The following SLC35F5 variants were observed in gnomAD, a reference collection of about 807,000 sequenced individuals.
SLC35F5 encodes solute carrier family 35 member F5, also known as HCV NS5A-transactivated protein 3.
Under a neutral mutation model 68.6 loss-of-function variants are expected in SLC35F5, and 54 were observed. The ratio of observed to expected loss-of-function variants is 0.79; its 90% CI spans 0.63 to 0.99. The LOEUF (loss-of-function observed/expected upper bound fraction) is 0.99. Ranked by LOEUF, SLC35F5 falls within the 50% of genes least tolerant of loss-of-function variation. The pLI is 0.00. For missense variants in SLC35F5, 567 were observed against 626.9 expected (o/e 0.90, Z 1.02); for synonymous variants, 211 against 205.2 (o/e 1.03, Z -0.24).
chr2:113,727,305 T>G (rs1687700782), intron 11 of SLC35F5, among the ~76,000 whole-genome samples: 2 of 152,160 alleles, frequency 1.3e-5, no homozygotes, highest in Non-Finnish European at 1.5e-5. Context: ...CAGGTAGTTC[T>G]TTATAGCAGT....
intron 7 of SLC35F5, among the ~76,000 whole-genome samples, chr2:113,738,261 TACCATTCTACTCTCTGGCAACC>T (rs1431435642): frequency 1.3e-5 from 2 of 152,188 alleles, no homozygotes; most frequent in Non-Finnish European, 2.9e-5. Context: ...CCCATTTCCC[TACCATTCTACTCTCTGGCAACC>T]ACCATTCTAC....
chr2:113,729,331 G>T, intron 11 of SLC35F5, 70 bp downstream of exon 11: 1 of 826,924 alleles, frequency 1.2e-6, no homozygotes, highest in Non-Finnish European at 1.9e-6. Context: ...TATTCCCTCT[G>T]AAAAACAAAA....
rs1686974988 is a variant in SLC35F5, at chr2:113,711,364, T to A, written c.*3854A>T. ...TACAGAAAATTTTGTAGGAAAACAC[T>A]ATTTTTTAAATGTAGTAACATTAAA... is the stretch of plus-strand genomic sequence containing the variant. On this transcript the variant is annotated 3_prime_UTR_variant, in exon 16 of 16. Coordinates refer to ENST00000245680, the MANE Select transcript of SLC35F5 (RefSeq NM_025181.5). Among the ~76,000 whole-genome samples the A allele has an allele frequency of 6.6e-6, 1 of 152,176 alleles. No homozygotes were observed. Among genetic ancestry groups the A allele is most frequent in the African/African-American group, 2.4e-5 (1 of 41,460 alleles).
chr2:113,744,395 T>A (rs966066416), intron 5 of SLC35F5, among the ~76,000 whole-genome samples: 3 of 152,244 alleles, frequency 2.0e-5, no homozygotes, highest in African/African-American at 7.2e-5. Flanking sequence ...TCTTACTGTG[T>A]ATTGAGTACC....
At chr2:113,746,206 A>C in intron 5 of SLC35F5, 71 bp downstream of exon 5, 19 of 1,147,814 alleles carry the variant, frequency 1.7e-5, no homozygotes, top group Non-Finnish European at 2.1e-5. Context: ...GCTGCCATCA[A>C]ACCTGTTTCA....
Position 113,755,808 on chromosome 2 carries a change from C to G in SLC35F5, c.41-264G>C, listed in dbSNP as rs116772356. The G allele has an allele frequency of 2.6e-6, 4 of 1,523,534 alleles. No homozygotes were observed. The East Asian group carries it at 7.4e-5, about 28-fold the overall frequency. The allele number at this position is 1,523,534 out of a possible 1,614,324, so 94.4% of individuals were successfully genotyped here. On this transcript the variant is annotated intron_variant, in intron 1 of 15. Transcript: ENST00000245680. ...CGGCACATTTAAGAACAGTTAACTA[C>G]CAGAAAATAGCTTCTCTGAGTTTCA...
At position 113,725,532 on chromosome 2, in the gene SLC35F5, CAA is replaced by C; in HGVS notation, c.1094_1095del (p.Phe365CysfsTer5). Reference sequence around the variant, plus strand: ...AAGAGCAGCAGATTAAACAAACCTACAAAACCTGAACATGTATAAAAGAGACA... The same window carrying C: ...AAGAGCAGCAGATTAAACAAACCTACAACCTGAACATGTATAAAAGAGACA... Reference protein sequence around the residue: ...DKLDIPMFFGFVGLFNLLLLW... With the variant: ...DKLDIPMFFGXVGLFNLLLLW... On this transcript the variant is annotated frameshift_variant, in exon 12 of 16. Coordinates refer to ENST00000245680, the MANE Select transcript of SLC35F5 (RefSeq NM_025181.5). LOFTEE classifies it high-confidence loss of function. The C allele has an allele frequency of 1.3e-6, 2 of 1,576,850 alleles. No individual in the cohort carries two copies. Among genetic ancestry groups the C allele is most frequent in the Non-Finnish European group, 1.7e-6 (2 of 1,170,526 alleles).
intron 12 of SLC35F5, among the ~76,000 whole-genome samples, chr2:113,724,365 G>A (rs1020204120): frequency 6.6e-6 from 1 of 152,080 alleles, no homozygotes; most frequent in African/African-American, 2.4e-5. Context: ...TAAAAAAATC[G>A]AGTATCTAAA....
intron 15 of SLC35F5, among the ~76,000 whole-genome samples, chr2:113,715,799 TCA>T (rs1014831594): frequency 3.3e-5 from 5 of 152,100 alleles, no homozygotes; most frequent in Non-Finnish European, 7.4e-5. Flanking sequence ...TTGCTTAAAG[TCA>T]CAGTTTATAA....
At chr2:113,756,131 G>C (rs1430357571) in intron 1 of SLC35F5, 2 of 1,445,660 alleles carry the variant, frequency 1.4e-6, no homozygotes, top group Non-Finnish European at 9.1e-7. Flanking sequence ...AGACAGTTAA[G>C]GCAGCGACGC....
chr2:113,720,626 T>C (rs939546777), intron 13 of SLC35F5, among the ~76,000 whole-genome samples: 1 of 152,184 alleles, frequency 6.6e-6, no homozygotes, highest in African/African-American at 2.4e-5. Context: ...TATTTTAACA[T>C]ATTCCTGGAA....
intron 7 of SLC35F5, among the ~76,000 whole-genome samples, chr2:113,738,558 G>A (rs1688174840): frequency 6.6e-6 from 1 of 151,960 alleles, no homozygotes; most frequent in Non-Finnish European, 1.5e-5. Context: ...AAATAAACAT[G>A]GAGGTACAGA....
chr2:113,718,963 GAAA>G (rs1687316296), intron 14 of SLC35F5, among the ~76,000 whole-genome samples, 188 bp downstream of exon 14: 1 of 151,346 alleles, frequency 6.6e-6, no homozygotes. Context: ...AAGAAAGAAA[GAAA>G]GAAAGGAGAA....
chr2:113,745,366 T>A (rs1040635589), intron 5 of SLC35F5, among the ~76,000 whole-genome samples: 2 of 152,166 alleles, frequency 1.3e-5, no homozygotes, highest in African/African-American at 4.8e-5. Context: ...GTGAATAAGG[T>A]CACCAAGCCA....
rs912696632 is a variant in SLC35F5 at position 113,713,580 on chromosome 2, T to C, written c.*1638A>G. The C allele has an allele frequency of 6.6e-6, 1 of 152,132 alleles. No individual in the cohort carries two copies. The highest frequency in any genetic ancestry group is 1.5e-5 in the Non-Finnish European group (1 of 68,018). The allele number at this position is 152,132 out of a possible 1,614,324, so 9.4% of individuals were successfully genotyped here. A position where few individuals can be genotyped will look rare whatever the true frequency, so the allele number is the denominator to read the frequency against. ...TTGAGTAATTAAAATGTTACTTCAT[T>C]ATGTTCTTTTTAAAAGAAAATTCCT... On this transcript the variant is annotated 3_prime_UTR_variant, in exon 16 of 16. Coordinates refer to ENST00000245680, the MANE Select transcript of SLC35F5 (RefSeq NM_025181.5).
At chr2:113,718,398 T>C (rs1465262230) in intron 14 of SLC35F5, among the ~76,000 whole-genome samples, 2 of 152,164 alleles carry the variant, frequency 1.3e-5, no homozygotes, top group Non-Finnish European at 2.9e-5. Flanking sequence ...AAGCTTTCAT[T>C]CTTAAAAAGA....
intron 14 of SLC35F5, among the ~76,000 whole-genome samples, chr2:113,718,881 GAAAGAAAGAAAGAAAGAAAGAAAGAAA>G (rs1687290864): frequency 2.5e-3 from 101 of 40,960 alleles, no homozygotes; most frequent in African/African-American, 6.1e-3. Flanking sequence ...AAGAAAGAAA[GAAAGAAAGAAAGAAAGAAAGAAAGAAA>G]GAAAGAAAGA....
Position 113,712,506 on chromosome 2 carries a change from G to A in SLC35F5, c.*2712C>T, listed in dbSNP as rs551723669. 8.6e-5 allele frequency among the ~76,000 whole-genome samples: 13 copies of A among 151,964 alleles called. No individual in the cohort carries two copies. Among genetic ancestry groups the A allele is most frequent in the African/African-American group, 2.9e-4 (12 of 41,488 alleles). On this transcript the variant is annotated 3_prime_UTR_variant, in exon 16 of 16. Transcript: ENST00000245680. ...AATTCTTTGTATTTTTAGTAGAGAC[G>A]GGGTTTCACTGTGTTAACCAGGATG...
rs758783800 is a variant in SLC35F5 at position 113,746,345 on chromosome 2, T to A, written c.418-6A>T. On this transcript the variant is annotated splice_polypyrimidine_tract_variant and splice_region_variant and intron_variant, in intron 4 of 15. Transcript: ENST00000245680. ...TAACCTTCAGCATCTGCAAACTAAA[T>A]ACAGATAACAAGATACAAAATTCAA... 3 of 1,608,840 alleles carry A rather than the reference T, an allele frequency of 1.9e-6. No homozygotes were observed. The highest frequency in any genetic ancestry group is 4.5e-5 in the East Asian group (2 of 44,822).
Sources: allele counts gnomAD v4.1 joint callset (sites outside exome capture counted in the v4.1 genomes callset), GRCh38; gene constraint gnomAD v4.1.1; transcripts MANE v1.5; gene names NCBI Gene and HGNC (gene_info 2026-07-23, HGNC 2026-07-21).